Variants in APBA1 observed in about 807,000 individuals in gnomAD.
The protein encoded by APBA1 is amyloid-beta A4 precursor protein-binding family A member 1.
APBA1 carries 55 observed loss-of-function variants against 86.6 expected under a neutral mutation model. That is an observed-to-expected ratio of 0.64 (90% confidence interval 0.51 to 0.80). The LOEUF is 0.80. Among genes scored for constraint, APBA1 ranks in the 30% least tolerant of loss-of-function variants. The pLI is 0.00. For missense variants in APBA1, 1,090 were observed against 1,183.0 expected, an observed-to-expected ratio of 0.92 and a Z score of 1.15; for synonymous variants, 511 against 493.9, an observed-to-expected ratio of 1.03 and a Z score of -0.46.
At chr9:69,616,731 T>C (rs10746683) in intron 1 of APBA1, among the ~76,000 whole-genome samples, 140,263 of 152,188 alleles carry the variant, frequency 0.92, 65,330 homozygotes, top group East Asian at 1. Flanking sequence ...AATCACTTCC[T>C]TCTGATGTGG....
intron 2 of APBA1, among the ~76,000 whole-genome samples, chr9:69,497,221 T>C (rs960914520): frequency 4.0e-5 from 6 of 151,802 alleles, no homozygotes; most frequent in East Asian, 1.9e-4. Flanking sequence ...GATGGAAAAC[T>C]CCCCCAGCAG....
chr9:69,572,689 C>T (rs1282027132), intron 1 of APBA1, among the ~76,000 whole-genome samples: 1 of 152,160 alleles, frequency 6.6e-6, no homozygotes, highest in Non-Finnish European at 1.5e-5. Flanking sequence ...GCATTTGCCA[C>T]ATTTTGTTTG....
chr9:69,523,463 G>GTATA (rs1396175369), intron 1 of APBA1, among the ~76,000 whole-genome samples: 2 of 109,186 alleles, frequency 1.8e-5, no homozygotes, highest in South Asian at 2.9e-4. Flanking sequence ...TCATGTATGT[G>GTATA]TATATATATA....
At chr9:69,567,212 C>G (rs576274764) in intron 1 of APBA1, among the ~76,000 whole-genome samples, 10 of 152,112 alleles carry the variant, frequency 6.6e-5, no homozygotes, top group Non-Finnish European at 1.5e-5. Context: ...AATGCTAGAG[C>G]GAGCTCCTGA....
intron 2 of APBA1, among the ~76,000 whole-genome samples, chr9:69,505,974 G>A (rs770145541): frequency 1.9e-4 from 29 of 151,118 alleles, no homozygotes; most frequent in Admixed American, 1.1e-3. Context: ...AGCCAAGATC[G>A]CACCACTGCA....
At chr9:69,522,458 TA>T (rs1836268867) in intron 1 of APBA1, among the ~76,000 whole-genome samples, 1 of 152,290 alleles carries the variant, frequency 6.6e-6, no homozygotes, top group Middle Eastern at 3.4e-3. Context: ...TTTAAGTGCC[TA>T]AAGAATGCAA....
chr9:69,570,425 A>G (rs954960302), intron 1 of APBA1, among the ~76,000 whole-genome samples: 1 of 152,222 alleles, frequency 6.6e-6, no homozygotes, highest in Admixed American at 6.5e-5. Context: ...ATAGGATCAT[A>G]TTTGAGACAG....
Position 69,517,297 on chromosome 9 carries a change from G to T in APBA1, c.-69-18C>A, listed in dbSNP as rs961014860. On this transcript the variant is annotated intron_variant, in intron 1 of 12. Transcript: ENST00000265381. The stretch of plus-strand genomic sequence containing the variant: ...CCACTGGGCTGGAAAAACAAGAAGG[G>T]GAGAGGCTGTCACGTGGTGCAAACA... 13 of 1,400,604 alleles carry T rather than the reference G, an allele frequency of 9.3e-6. No individual in the cohort carries two copies. The African/African-American group carries it at 1.8e-4, about 19-fold the overall frequency. 86.8% of individuals were successfully genotyped at this position (1,400,604 alleles called of 1,614,324 possible). A position where few individuals can be genotyped will look rare whatever the true frequency, so the allele number is the denominator to read the frequency against.
chr9:69,599,784 G>A (rs950230213), intron 1 of APBA1, among the ~76,000 whole-genome samples: 1 of 152,160 alleles, frequency 6.6e-6, no homozygotes, highest in African/African-American at 2.4e-5. Context: ...TTCCGATGCA[G>A]ACTAAAGTGT....
intron 1 of APBA1, among the ~76,000 whole-genome samples, chr9:69,566,410 C>T (rs1286795369): frequency 6.6e-6 from 1 of 152,152 alleles, no homozygotes; most frequent in Admixed American, 6.5e-5. Context: ...AAGGCATGTA[C>T]TGGGTCTTTT....
chr9:69,643,591 T>C (rs956047382), intron 1 of APBA1, among the ~76,000 whole-genome samples: 1 of 152,170 alleles, frequency 6.6e-6, no homozygotes, highest in Admixed American at 6.5e-5. Flanking sequence ...TACTTCTCTA[T>C]GCACATGAGC....
intron 1 of APBA1, among the ~76,000 whole-genome samples, chr9:69,545,588 C>T (rs1170367110): frequency 1.3e-5 from 2 of 152,108 alleles, no homozygotes; most frequent in Admixed American, 1.3e-4. Context: ...TTTTTTTGTT[C>T]TTATTATTTA....
intron 1 of APBA1, among the ~76,000 whole-genome samples, chr9:69,662,042 AC>A (rs1188051722): frequency 6.6e-6 from 1 of 151,790 alleles, no homozygotes; most frequent in Non-Finnish European, 1.5e-5. Context: ...ACACACACAC[AC>A]ACACACACAC....
chr9:69,504,999 T>C (rs554318923), intron 2 of APBA1, among the ~76,000 whole-genome samples: 1 of 152,166 alleles, frequency 6.6e-6, no homozygotes, highest in South Asian at 2.1e-4. Flanking sequence ...CTCTAATTCT[T>C]GGGCCTTTGT....
At chr9:69,499,992 C>A (rs914178137) in intron 2 of APBA1, among the ~76,000 whole-genome samples, 1 of 152,028 alleles carries the variant, frequency 6.6e-6, no homozygotes. Context: ...GAGTAGAATG[C>A]CAATAAAAGG....
chr9:69,617,474 C>T (rs959358220), intron 1 of APBA1, among the ~76,000 whole-genome samples: 1 of 151,896 alleles, frequency 6.6e-6, no homozygotes, highest in Non-Finnish European at 1.5e-5. Context: ...TGTGTGTATC[C>T]AGCCTAGATT....
chr9:69,452,449 G>A lies in APBA1; in HGVS notation c.1789-148C>T, dbSNP rs562119137. On this transcript the variant is annotated intron_variant, in intron 8 of 12. Coordinates refer to ENST00000265381, the MANE Select transcript of APBA1 (RefSeq NM_001163.4). Reference sequence around the variant, plus strand: ...TGCTGGGCCAGTGGTTCTACGTGGGGCTACCAGTGCCCACCAGGGGCAATT... The same window carrying A: ...TGCTGGGCCAGTGGTTCTACGTGGGACTACCAGTGCCCACCAGGGGCAATT... 9.9e-6 allele frequency: 7 copies of A among 706,224 alleles called. No individual in the cohort carries two copies. In the African/African-American group the frequency reaches 1.3e-4, roughly 13 times the overall value. 43.7% of individuals were successfully genotyped at this position (706,224 alleles called of 1,614,324 possible).
rs769138276 is a variant in APBA1, at chr9:69,441,010, C to T, written c.2287G>A (p.Val763Ile). The T allele has an allele frequency of 7.4e-5, 119 of 1,613,664 alleles. No homozygotes were observed. The highest frequency in any genetic ancestry group is 1.7e-4 in the Admixed American group (10 of 59,934). The stretch of plus-strand genomic sequence containing the variant: ...GTTCTACTTACAATTCCATTCTGGA[C>T]GCTGAAACCGAGCTGGTAGCGAAGG... ...PDLRYQLGFS[V>I]QNGIICSLMR... The change falls in exon 11 of 13, where the codon GTC becomes ATC. Residue 763 changes from valine (V) to isoleucine (I), a missense_variant. Around this residue, in one of 6 missense-constraint regions of APBA1, gnomAD observed 119 missense variants for 124.8 expected, o/e 0.95. Transcript: ENST00000265381.
rs1491183538 is a variant in APBA1 at position 69,658,272 on chromosome 9, CTT to C, written c.-70+13879_-70+13880del. On this transcript the variant is annotated intron_variant, in intron 1 of 12. Coordinates refer to ENST00000265381, the MANE Select transcript of APBA1 (RefSeq NM_001163.4). ...TCTTTCTTTCTTTCTTTCTTTCTTT[CTT>C]TCTTTCTTTCTCTCTCTCTTTCTCT... Among the ~76,000 whole-genome samples, 371 of 85,544 alleles carry C rather than the reference CTT, an allele frequency of 4.3e-3. 8 individuals carry two copies. The highest frequency in any genetic ancestry group is 0.01 in the Middle Eastern group (2 of 192). The allele number at this position is 85,544 out of a possible 152,430, so 56.1% of individuals were successfully genotyped here.
Sources: allele counts gnomAD v4.1 joint callset (sites outside exome capture counted in the v4.1 genomes callset), GRCh38; gene constraint gnomAD v4.1.1; regional missense constraint gnomAD v4.1.1; transcripts MANE v1.5; gene names NCBI Gene and HGNC (gene_info 2026-07-23, HGNC 2026-07-21).